Variants in GRID2 observed in about 807,000 individuals in gnomAD.
GRID2 encodes glutamate receptor ionotropic, delta-2.
GRID2 carries 33 observed loss-of-function variants against 114.8 expected under a neutral mutation model. The ratio of observed to expected loss-of-function variants is 0.29; its 90% CI spans 0.22 to 0.38. The LOEUF is 0.38. Ranked by LOEUF, GRID2 falls within the 10% of genes least tolerant of loss-of-function variation. The pLI is 1.00. For missense variants in GRID2, 1,184 were observed against 1,257.7 expected (o/e 0.94, Z 0.89); for synonymous variants, 505 against 449.9 (o/e 1.12, Z -1.55).
intron 2 of GRID2, among the ~76,000 whole-genome samples, chr4:92,737,708 G>A (rs1486387452): frequency 3.3e-5 from 5 of 152,042 alleles, no homozygotes. Flanking sequence ...AGAATAAACA[G>A]ATACCTCTTA....
intron 10 of GRID2, among the ~76,000 whole-genome samples, chr4:93,450,621 C>G (rs1033739544): frequency 2.6e-5 from 4 of 151,758 alleles, no homozygotes; most frequent in Admixed American, 2.0e-4. Context: ...TAGTCATGCT[C>G]CATTGTATCA....
intron 2 of GRID2, among the ~76,000 whole-genome samples, chr4:92,824,475 G>A (rs1259459182): frequency 6.6e-6 from 1 of 151,712 alleles, no homozygotes; most frequent in African/African-American, 2.4e-5. Context: ...CATGGCTAGG[G>A]TTTTATATTC....
intron 1 of GRID2, among the ~76,000 whole-genome samples, chr4:92,563,780 T>G (rs1727212897): frequency 6.6e-6 from 1 of 152,090 alleles, no homozygotes; most frequent in Non-Finnish European, 1.5e-5. Flanking sequence ...TTTTTCTGTA[T>G]CTTCCTTCTA....
chr4:93,013,571 C>G (rs1722395882), intron 2 of GRID2, among the ~76,000 whole-genome samples: 1 of 151,886 alleles, frequency 6.6e-6, no homozygotes, highest in South Asian at 2.1e-4. Context: ...GTATTAAATA[C>G]TATTCCTGTA....
intron 12 of GRID2, among the ~76,000 whole-genome samples, chr4:93,495,530 G>A (rs2149466199): frequency 6.6e-6 from 1 of 151,888 alleles, no homozygotes; most frequent in South Asian, 2.1e-4. Context: ...CGAGGGCATG[G>A]TAAGACTTGT....
At chr4:92,451,878 C>T (rs1372709603) in intron 1 of GRID2, among the ~76,000 whole-genome samples, 4 of 152,146 alleles carry the variant, frequency 2.6e-5, no homozygotes. Flanking sequence ...TTGGGAGGGT[C>T]ACAAGATAAG....
At chr4:93,654,921 A>G (rs1722878777) in intron 14 of GRID2, among the ~76,000 whole-genome samples, 2 of 152,180 alleles carry the variant, frequency 1.3e-5, no homozygotes, top group African/African-American at 4.8e-5. Flanking sequence ...ATAAAAACAC[A>G]TGCTTTGACC....
At chr4:93,337,454 G>A (rs962035140) in intron 8 of GRID2, among the ~76,000 whole-genome samples, 2 of 152,160 alleles carry the variant, frequency 1.3e-5, no homozygotes, top group Admixed American at 6.5e-5. Context: ...ACACATCACA[G>A]ATTTGCATTA....
At chr4:92,334,854 G>GC (rs1458936148) in intron 1 of GRID2, among the ~76,000 whole-genome samples, 1 of 152,190 alleles carries the variant, frequency 6.6e-6, no homozygotes, top group African/African-American at 2.4e-5. Context: ...GCAGAACAGA[G>GC]CTGAGCCAAG....
At chr4:92,494,486 T>A (rs1560669509) in intron 1 of GRID2, among the ~76,000 whole-genome samples, 1 of 151,894 alleles carries the variant, frequency 6.6e-6, no homozygotes, top group Non-Finnish European at 1.5e-5. Context: ...ATGAGAAAAA[T>A]AATATTGTTT....
chr4:92,843,462 A>G (rs1743065224), intron 2 of GRID2, among the ~76,000 whole-genome samples: 1 of 152,112 alleles, frequency 6.6e-6, no homozygotes, highest in African/African-American at 2.4e-5. Context: ...TCTGAAATTT[A>G]ATCTTAGAAA....
chr4:93,172,557 A>C (rs944961784), intron 4 of GRID2, among the ~76,000 whole-genome samples: 6 of 151,836 alleles, frequency 4.0e-5, no homozygotes, highest in Admixed American at 1.3e-4. Flanking sequence ...CAGCCATTGC[A>C]CTCCAGCCTG....
chr4:93,152,698 T>G lies in GRID2; in HGVS notation c.735+41745T>G, dbSNP rs565886353. Among the ~76,000 whole-genome samples the G allele has an allele frequency of 1.2e-4, 18 of 152,254 alleles. 2 individuals carry two copies. In the South Asian group the frequency reaches 3.3e-3, roughly 28 times the overall value. ...CAGATTAAGAACTGCTTTGCATGGC[T>G]AATTCTGATAGATGAACTGTTACTT... On this transcript the variant is annotated intron_variant, in intron 4 of 15. Coordinates refer to ENST00000282020, the MANE Select transcript of GRID2 (RefSeq NM_001510.4).
chr4:93,286,613 C>A (rs1275792371), intron 8 of GRID2, among the ~76,000 whole-genome samples: 1 of 151,968 alleles, frequency 6.6e-6, no homozygotes, highest in East Asian at 1.9e-4. Flanking sequence ...TAAGAACCAT[C>A]TCAAAGACCA....
At chr4:93,582,719 T>G (rs1025639139) in intron 13 of GRID2, among the ~76,000 whole-genome samples, 7 of 152,122 alleles carry the variant, frequency 4.6e-5, no homozygotes, top group Admixed American at 2.6e-4. Flanking sequence ...TTTTTTTTAA[T>G]AATAAAATAA....
At position 93,224,827 on chromosome 4, in the gene GRID2, T is replaced by C. The variant is rs752197003; in HGVS notation, c.1125+52T>C. The C allele has an allele frequency of 3.8e-6, 5 of 1,316,806 alleles. No individual in the cohort carries two copies. In the Admixed American group the frequency reaches 8.2e-5, roughly 22 times the overall value. 81.6% of individuals were successfully genotyped at this position (1,316,806 alleles called of 1,614,324 possible). ...GGATATGGTAAATAATTATTTGACA[T>C]ATTTTAGAAAAAGGGTTTCCTCTTT... On this transcript the variant is annotated intron_variant, in intron 7 of 15. Coordinates refer to ENST00000282020, the MANE Select transcript of GRID2 (RefSeq NM_001510.4).
chr4:92,474,523 T>C (rs1722198346), intron 1 of GRID2, among the ~76,000 whole-genome samples: 2 of 152,248 alleles, frequency 1.3e-5, no homozygotes. Flanking sequence ...ATTTCCTTTG[T>C]ATTTGTACAC....
intron 1 of GRID2, among the ~76,000 whole-genome samples, chr4:92,363,870 A>G (rs530841965): frequency 6.1e-4 from 84 of 138,308 alleles, no homozygotes; most frequent in African/African-American, 2.3e-3. Context: ...CCCAGGCTGG[A>G]GTGCAGTGGC....
intron 8 of GRID2, among the ~76,000 whole-genome samples, chr4:93,313,052 T>C (rs1051936706): frequency 1.3e-5 from 2 of 152,146 alleles, no homozygotes; most frequent in African/African-American, 4.8e-5. Flanking sequence ...CTATGGCTTA[T>C]CATTTATTGA....
Sources: gnomAD v4.1 joint callset for allele counts (sites outside exome capture counted in the v4.1 genomes callset) on GRCh38, gnomAD v4.1.1 for gene constraint, MANE v1.5 for transcripts, NCBI Gene and HGNC (gene_info 2026-07-23, HGNC 2026-07-21) for gene names.